Variants in CALCR observed in about 807,000 individuals in gnomAD.
CALCR encodes calcitonin receptor.
A neutral mutation model predicts 59.5 loss-of-function variants in CALCR; 47 were observed. The observed-to-expected ratio is 0.79, with a 90% confidence interval of 0.63 to 1.01. The LOEUF (loss-of-function observed/expected upper bound fraction) is 1.01. Ranked by LOEUF, CALCR falls within the 50% of genes least tolerant of loss-of-function variation. The probability of loss-of-function intolerance (pLI) is 0.00; values close to 1 mark genes in which losing one functional copy is unlikely to be tolerated. For synonymous variants in CALCR, 213 were observed against 211.3 expected, an observed-to-expected ratio of 1.01 and a Z score of -0.07; for missense variants, 566 against 597.1, an observed-to-expected ratio of 0.95 and a Z score of 0.54.
chr7:93,538,814 A>G (rs146610124), intron 2 of CALCR, among the ~76,000 whole-genome samples: 3 of 152,166 alleles, frequency 2.0e-5, no homozygotes, highest in African/African-American at 7.2e-5. Context: ...ATCTGCTCAG[A>G]TGATTATTTA....
intron 8 of CALCR, among the ~76,000 whole-genome samples, chr7:93,450,771 C>T (rs1800093196): frequency 6.6e-6 from 1 of 151,748 alleles, no homozygotes; most frequent in Non-Finnish European, 1.5e-5. Context: ...AGGTTTTTGC[C>T]AGACAGGAGC....
intron 2 of CALCR, among the ~76,000 whole-genome samples, chr7:93,542,719 T>C (rs377603032): frequency 1.3e-5 from 2 of 152,026 alleles, no homozygotes; most frequent in South Asian, 2.1e-4. Context: ...TTTTATAAGA[T>C]TTTTTAAATT....
chr7:93,454,737 T>C (rs1035453783), intron 8 of CALCR, among the ~76,000 whole-genome samples: 1 of 151,510 alleles, frequency 6.6e-6, no homozygotes, highest in Non-Finnish European at 1.5e-5. Flanking sequence ...CTTTATGCCA[T>C]GAGTTATTTT....
At chr7:93,488,030 G>T (rs962419171) in intron 2 of CALCR, among the ~76,000 whole-genome samples, 1 of 151,606 alleles carries the variant, frequency 6.6e-6, no homozygotes, top group African/African-American at 2.4e-5. Context: ...AACCTACAAA[G>T]CAAAGCCCTT....
At chr7:93,477,318 T>C (rs1800687095) in intron 5 of CALCR, among the ~76,000 whole-genome samples, 1 of 151,866 alleles carries the variant, frequency 6.6e-6, no homozygotes, top group Non-Finnish European at 1.5e-5. Context: ...AGAAAAGCTA[T>C]TTTTATAAAC....
intron 9 of CALCR, among the ~76,000 whole-genome samples, chr7:93,439,201 G>A (rs1014392048): frequency 6.6e-6 from 1 of 152,104 alleles, no homozygotes; most frequent in African/African-American, 2.4e-5. Context: ...ATACAAAAAG[G>A]GGTCTCAAAA....
rs371199012 is a variant in CALCR at position 93,506,511 on chromosome 7, TCTC to T, written c.-26-19507_-26-19505del. Among the ~76,000 whole-genome samples, 588 of 152,174 alleles carry T rather than the reference TCTC, an allele frequency of 3.9e-3. 7 individuals carry two copies. The highest frequency in any genetic ancestry group is 0.014 in the African/African-American group (561 of 41,494). On this transcript the variant is annotated intron_variant, in intron 2 of 13. Coordinates refer to ENST00000426151, the MANE Select transcript of CALCR (RefSeq NM_001742.4). The stretch of plus-strand genomic sequence containing the variant: ...CCTTCAAACAAGCAAAAAGCAACAA[TCTC>T]CTCACTACAGACAAAAATTACTAAA...
At chr7:93,467,479 GA>G (rs1229384246) in intron 7 of CALCR, among the ~76,000 whole-genome samples, 4 of 151,632 alleles carry the variant, frequency 2.6e-5, no homozygotes, top group Admixed American at 2.0e-4. Context: ...ATTTACAGGT[GA>G]TTATTCTCCC....
intron 2 of CALCR, among the ~76,000 whole-genome samples, chr7:93,547,413 T>C (rs1014244571): frequency 2.0e-5 from 3 of 152,200 alleles, no homozygotes; most frequent in Admixed American, 2.0e-4. Flanking sequence ...ACAAATTTAC[T>C]TTTTTGTTAC....
intron 7 of CALCR, among the ~76,000 whole-genome samples, chr7:93,467,814 T>A (rs1055984324): frequency 2.0e-5 from 3 of 151,610 alleles, no homozygotes; most frequent in African/African-American, 7.2e-5. Context: ...ATAATAATAA[T>A]AATAATGATA....
chr7:93,460,258 A>G (rs1320486915), intron 8 of CALCR, among the ~76,000 whole-genome samples: 1 of 152,004 alleles, frequency 6.6e-6, no homozygotes, highest in Non-Finnish European at 1.5e-5. Context: ...GGTTAGTCTT[A>G]GAAATGCATG....
Position 93,515,776 on chromosome 7 carries a change from T to C in CALCR, c.-26-28769A>G, listed in dbSNP as rs1801637827. Among the ~76,000 whole-genome samples the C allele has an allele frequency of 2.0e-5, 3 of 151,946 alleles. No homozygotes were observed. The South Asian group carries it at 6.2e-4, about 31-fold the overall frequency. On this transcript the variant is annotated intron_variant, in intron 2 of 13. Transcript: ENST00000426151. ...CAGAATTCAAAGCTGAGTAGAAAAA[T>C]ATGGACATGGACAATTTTGAGTCAA...
intron 13 of CALCR, 30 bp downstream of exon 13, chr7:93,434,223 G>A (rs1015383678): frequency 6.5e-7 from 1 of 1,531,660 alleles, no homozygotes; most frequent in African/African-American, 1.4e-5. Flanking sequence ...ACACAAACAA[G>A]TGATAGTATT....
chr7:93,510,715 T>C (rs956213940), intron 2 of CALCR, among the ~76,000 whole-genome samples: 2 of 151,558 alleles, frequency 1.3e-5, no homozygotes, highest in Non-Finnish European at 2.9e-5. Context: ...AAAATAAAAG[T>C]TTTTTAAAAT....
Position 93,443,680 on chromosome 7 carries a change from G to C in CALCR, c.726C>G (p.Ile242Met). The C allele has an allele frequency of 6.2e-7, 1 of 1,612,824 alleles. No homozygotes were observed. The highest frequency in any genetic ancestry group is 1.1e-5 in the South Asian group (1 of 91,054). ...CNYFWMLCEG[I>M]YLHTLIVVAV... The stretch of plus-strand genomic sequence containing the variant: ...CCACGACAATGAGTGTATGAAGATA[G>C]ATCCCTTCACAGAGCATCCAGAAAT... The change falls in exon 9 of 14, where the codon ATC becomes ATG. Residue 242 changes from isoleucine (I) to methionine (M), a missense_variant. Coordinates refer to ENST00000426151, the MANE Select transcript of CALCR (RefSeq NM_001742.4).
chr7:93,481,610 G>A (rs1800799230), intron 3 of CALCR, among the ~76,000 whole-genome samples: 1 of 151,902 alleles, frequency 6.6e-6, no homozygotes, highest in South Asian at 2.1e-4. Flanking sequence ...GGTTAGATTT[G>A]GAGATGGTAG....
At chr7:93,497,535 A>G (rs1801234367) in intron 2 of CALCR, among the ~76,000 whole-genome samples, 2 of 151,582 alleles carry the variant, frequency 1.3e-5, no homozygotes, top group South Asian at 4.1e-4. Context: ...CCAGTCATGA[A>G]GTTACTGAGT....
At chr7:93,567,392 A>C (rs1337811587) in intron 2 of CALCR, among the ~76,000 whole-genome samples, 1 of 152,042 alleles carries the variant, frequency 6.6e-6, no homozygotes, top group Non-Finnish European at 1.5e-5. Context: ...CAAAGAAATA[A>C]TGATGACCCT....
chr7:93,493,855 C>T (rs10282285), intron 2 of CALCR, among the ~76,000 whole-genome samples: 26,896 of 151,352 alleles, frequency 0.18, 5,843 homozygotes, highest in African/African-American at 0.51. Flanking sequence ...ATTGGGAATA[C>T]ACTACCTCCA....
Sources: gnomAD v4.1 joint callset for allele counts (sites outside exome capture counted in the v4.1 genomes callset) on GRCh38, gnomAD v4.1.1 for gene constraint, MANE v1.5 for transcripts, NCBI Gene and HGNC (gene_info 2026-07-23, HGNC 2026-07-21) for gene names.